Variants in PM20D2 observed in about 807,000 individuals in gnomAD.
PM20D2 encodes the protein xaa-Arg dipeptidase.
A neutral mutation model predicts 42.9 loss-of-function variants in PM20D2; 33 were observed. That is an observed-to-expected ratio of 0.77 (90% CI 0.58 to 1.03). PM20D2 has a LOEUF of 1.03. PM20D2 is among the 50% of genes least tolerant of loss of function. The probability of loss-of-function intolerance (pLI) is 0.00; values close to 1 mark genes in which losing one functional copy is unlikely to be tolerated. For synonymous variants in PM20D2, 250 were observed against 228.2 expected (o/e 1.10, Z -0.86); for missense variants, 548 against 557.0 (o/e 0.98, Z 0.16).
chr6:89,153,999 T>G (rs1403533038), intron 3 of PM20D2, among the ~76,000 whole-genome samples: 1 of 152,194 alleles, frequency 6.6e-6, no homozygotes, highest in Non-Finnish European at 1.5e-5. Flanking sequence ...ATTTATTTCC[T>G]TATGATTTAG....
intron 4 of PM20D2, among the ~76,000 whole-genome samples, chr6:89,157,091 T>C (rs1220365072): frequency 6.6e-6 from 1 of 152,066 alleles, no homozygotes; most frequent in Admixed American, 6.6e-5. Flanking sequence ...TAATTTAATT[T>C]ATTTATTTTT....
rs974408517 is a variant in PM20D2 at position 89,161,801 on chromosome 6, A to G, written c.1067A>G (p.Asn356Ser). The change falls in exon 6 of 7, where the codon AAT becomes AGT. Residue 356 changes from asparagine (N) to serine (S), a missense_variant. Physicochemically the swap from Asn to Ser is conservative, Grantham distance 46. Coordinates refer to ENST00000275072, the MANE Select transcript of PM20D2 (RefSeq NM_001010853.3). ...TTCCAAGGATCTACGGATTTTGGAA[A>G]TGTTAGTTTTGTGGTTCCTGGAATT... Reference protein sequence around the residue: ...NGPSGSTDFGNVSFVVPGIHP... With the variant: ...NGPSGSTDFGSVSFVVPGIHP... 2.5e-6 allele frequency: 4 copies of G among 1,611,646 alleles called. No homozygotes were observed. Among genetic ancestry groups the G allele is most frequent in the Admixed American group, 1.7e-5 (1 of 60,016 alleles).
the PM20D2 span, chr6:89,107,072 C>T: frequency 2.4e-6 from 3 of 1,258,636 alleles, no homozygotes; most frequent in Non-Finnish European, 3.5e-6. Context: ...ATATTAATCT[C>T]ATAACATATG....
chr6:89,099,498 A>ATG, the PM20D2 span, among the ~76,000 whole-genome samples: 11 of 111,246 alleles, frequency 9.9e-5, no homozygotes, highest in African/African-American at 3.7e-4. Flanking sequence ...GTATATATAT[A>ATG]TGTGTGTATA....
At chr6:89,146,751 G>A (rs1770586491) in intron 1 of PM20D2, 142 bp downstream of exon 1, 4 of 649,996 alleles carry the variant, frequency 6.2e-6, no homozygotes, top group African/African-American at 1.9e-5. Context: ...CTAAACCTGC[G>A]GTCCTCGCCT....
intron 5 of PM20D2, among the ~76,000 whole-genome samples, 177 bp from the exon 6 acceptor site, chr6:89,161,606 A>G (rs1010903493): frequency 3.9e-5 from 6 of 152,158 alleles, no homozygotes; most frequent in African/African-American, 1.4e-4. Flanking sequence ...TGACTGATAC[A>G]GGGGAGTGGG....
the PM20D2 span, chr6:89,105,772 C>T: frequency 3.9e-6 from 1 of 253,186 alleles, no homozygotes; most frequent in Non-Finnish European, 7.5e-6. Flanking sequence ...TGTAACTGTA[C>T]TTTTAGTGTC....
the PM20D2 span, among the ~76,000 whole-genome samples, chr6:89,118,716 A>T: frequency 6.6e-6 from 1 of 152,218 alleles, no homozygotes; most frequent in East Asian, 1.9e-4. Flanking sequence ...TTGAGCGTCT[A>T]CTATGCGCCA....
Position 89,146,428 on chromosome 6 carries a change from A to C in PM20D2, c.284A>C (p.Glu95Ala). The C allele has an allele frequency of 6.6e-7, 1 of 1,523,302 alleles. No homozygotes were observed. The allele number at this position is 1,523,302 out of a possible 1,614,324, so 94.4% of individuals were successfully genotyped here. A position where few individuals can be genotyped will look rare whatever the true frequency, so the allele number is the denominator to read the frequency against. ...TTCCGCGCCGAGTGGGAGCCGCCGG[A>C]GGCCCGGGCACCGAGCGCCACGCCA... is the stretch of plus-strand genomic sequence containing the variant. ...TAFRAEWEPP[E>A]ARAPSATPRP... Residue 95 changes from glutamate (E) to alanine (A), a missense_variant, in exon 1 of 7, where the codon GAG becomes GCG. This residue lies in a region of PM20D2 where 470 missense variants were observed against 464.4 expected (regional missense o/e 1.01). Coordinates refer to ENST00000275072, the MANE Select transcript of PM20D2 (RefSeq NM_001010853.3).
intron 5 of PM20D2, among the ~76,000 whole-genome samples, chr6:89,160,502 A>G (rs572056560): frequency 1.3e-5 from 2 of 152,182 alleles, no homozygotes; most frequent in South Asian, 2.1e-4. Flanking sequence ...CTTTGCCTGC[A>G]TGGTGTTTGA....
At chr6:89,149,243 T>G (rs371477878) in intron 1 of PM20D2, 22 bp from the exon 2 acceptor site, 1 of 1,608,800 alleles carries the variant, frequency 6.2e-7, no homozygotes, top group African/African-American at 1.3e-5. Flanking sequence ...TGTTTTTCCC[T>G]GACATGAGTA....
In PM20D2 at chr6:89,146,215, A is replaced by C. The variant is rs762461499; in HGVS notation, c.71A>C (p.Lys24Thr). ...CNGRSELELL[K>T]LRSAECIDEA... ...GGCCGCTCCGAGCTGGAGCTACTGA[A>C]GCTGCGCTCGGCGGAGTGCATCGAC... The change falls in exon 1 of 7, where the codon AAG (lysine) becomes ACG (threonine). Residue 24 changes from lysine to threonine, a missense_variant. Physicochemically the swap from Lys to Thr is moderately conservative, Grantham distance 78. This residue lies in a region of PM20D2 where 470 missense variants were observed against 464.4 expected (regional missense o/e 1.01). Coordinates refer to ENST00000275072, the MANE Select transcript of PM20D2 (RefSeq NM_001010853.3). The C allele has an allele frequency of 1.9e-6, 3 of 1,569,248 alleles. No homozygotes were observed. In the South Asian group the frequency reaches 3.4e-5, roughly 18 times the overall value.
the PM20D2 span, chr6:89,105,231 G>A: frequency 2.4e-5 from 38 of 1,611,206 alleles, no homozygotes; most frequent in Non-Finnish European, 2.0e-5. Context: ...GAACAAGGAT[G>A]ACGTTCTTTT....
intron 2 of PM20D2, among the ~76,000 whole-genome samples, chr6:89,151,980 A>C (rs1770863465): frequency 6.6e-6 from 1 of 151,978 alleles, no homozygotes; most frequent in Non-Finnish European, 1.5e-5. Flanking sequence ...TCAGCTATTC[A>C]TCTGTGGGAA....
At chr6:89,153,795 T>A (rs547693414) in intron 3 of PM20D2, among the ~76,000 whole-genome samples, 15 of 152,082 alleles carry the variant, frequency 9.9e-5, no homozygotes, top group Admixed American at 3.3e-4. Context: ...AGAGACGGGG[T>A]CTTGCTATGT....
chr6:89,136,439 A>G, the PM20D2 span, among the ~76,000 whole-genome samples: 1 of 151,244 alleles, frequency 6.6e-6, no homozygotes. Flanking sequence ...GCACTTTGGG[A>G]GGCTGAGGCG....
chr6:89,099,424 ATGTGTG>A, the PM20D2 span, among the ~76,000 whole-genome samples: 2 of 139,168 alleles, frequency 1.4e-5, no homozygotes, highest in African/African-American at 2.7e-5. Flanking sequence ...ACATATATAT[ATGTGTG>A]TATATATATA....
chr6:89,128,010 G>A, the PM20D2 span, among the ~76,000 whole-genome samples: 2 of 152,140 alleles, frequency 1.3e-5, no homozygotes, highest in Non-Finnish European at 2.9e-5. Flanking sequence ...CAAATTGATT[G>A]TAAAACGTGT....
chr6:89,161,998 A>G (rs1771257850), intron 6 of PM20D2, 108 bp downstream of exon 6: 7 of 1,465,136 alleles, frequency 4.8e-6, no homozygotes, highest in Non-Finnish European at 6.6e-6. Flanking sequence ...CTCAGTAAAT[A>G]CTGCACTGTG....
Sources: gnomAD v4.1 joint callset for allele counts (sites outside exome capture counted in the v4.1 genomes callset) on GRCh38, gnomAD v4.1.1 for gene constraint, gnomAD v4.1.1 regional missense constraint, MANE v1.5 for transcripts, NCBI Gene and HGNC (gene_info 2026-07-23, HGNC 2026-07-21) for gene names.